COL23A1: variants seen among roughly 807,000 people sequenced by gnomAD.
COL23A1 encodes the protein collagen type XXIII alpha 1 chain.
A neutral mutation model predicts 99.3 loss-of-function variants in COL23A1; 97 were observed. That is an observed-to-expected ratio of 0.98 (90% CI 0.83 to 1.16). The LOEUF (loss-of-function observed/expected upper bound fraction) is 1.16. Among genes scored for constraint, COL23A1 ranks in the 50% most tolerant of loss-of-function variants. COL23A1 has a pLI of 0.00. For missense variants in COL23A1, 762 were observed against 757.4 expected, an observed-to-expected ratio of 1.01 and a Z score of -0.07; for synonymous variants, 320 against 308.2, an observed-to-expected ratio of 1.04 and a Z score of -0.40.
At chr5:178,314,071 G>A (rs1181561561) in intron 2 of COL23A1, among the ~76,000 whole-genome samples, 2 of 152,038 alleles carry the variant, frequency 1.3e-5, no homozygotes, top group African/African-American at 4.8e-5. Flanking sequence ...TCTAAGGTGG[G>A]CCTGGGGACC....
At chr5:178,483,540 A>G (rs577988911) in intron 2 of COL23A1, among the ~76,000 whole-genome samples, 2 of 152,346 alleles carry the variant, frequency 1.3e-5, no homozygotes, top group South Asian at 4.1e-4. Flanking sequence ...TGAAAAAATT[A>G]TGAGTTCCAG....
chr5:178,401,753 A>G (rs1484405682), intron 2 of COL23A1, among the ~76,000 whole-genome samples: 1 of 152,176 alleles, frequency 6.6e-6, no homozygotes, highest in African/African-American at 2.4e-5. Flanking sequence ...ACATCCCCCT[A>G]GCAGTATATG....
At chr5:178,250,161 AG>A in intron 17 of COL23A1, 56 bp from the exon 18 acceptor site, 2 of 1,605,882 alleles carry the variant, frequency 1.2e-6, no homozygotes, top group Non-Finnish European at 1.7e-6. Flanking sequence ...AAGAGGTGTC[AG>A]CAGCCAGAGG....
intron 2 of COL23A1, among the ~76,000 whole-genome samples, chr5:178,552,807 G>A (rs575454348): frequency 2.5e-4 from 38 of 151,012 alleles, no homozygotes; most frequent in African/African-American, 8.0e-4. Context: ...TCTACCTCCC[G>A]GGTTCAAGTG....
chr5:178,277,727 C>T lies in COL23A1; in HGVS notation c.442-7364G>A, dbSNP rs904922532. Among the ~76,000 whole-genome samples the T allele has an allele frequency of 2.6e-5, 4 of 152,274 alleles. No individual in the cohort carries two copies. The East Asian group carries it at 7.7e-4, about 29-fold the overall frequency. On this transcript the variant is annotated intron_variant, in intron 5 of 28. Coordinates refer to ENST00000390654, the MANE Select transcript of COL23A1 (RefSeq NM_173465.4). The stretch of plus-strand genomic sequence containing the variant: ...AGTAATTACATGTATGTCCATGTCA[C>T]ACATCATGGCTAGCAGAGGTGGTGT...
At chr5:178,274,336 T>G (rs888199160) in intron 5 of COL23A1, among the ~76,000 whole-genome samples, 4 of 152,126 alleles carry the variant, frequency 2.6e-5, no homozygotes, top group African/African-American at 9.7e-5. Flanking sequence ...TGGGTGCTCT[T>G]GAGAGGAGGA....
intron 2 of COL23A1, among the ~76,000 whole-genome samples, chr5:178,524,653 G>A (rs140297073): frequency 7.3e-4 from 111 of 152,354 alleles, no homozygotes; most frequent in African/African-American, 2.5e-3. Flanking sequence ...CCATTCTCCT[G>A]CAGACCTGGC....
chr5:178,489,016 AG>A (rs1227372408), intron 2 of COL23A1, among the ~76,000 whole-genome samples: 12 of 151,052 alleles, frequency 7.9e-5, no homozygotes, highest in Non-Finnish European at 1.8e-4. Context: ...TCTGCCCCTC[AG>A]GATCTGCCCC....
At chr5:178,558,350 T>C (rs1762389310) in intron 2 of COL23A1, among the ~76,000 whole-genome samples, 1 of 152,128 alleles carries the variant, frequency 6.6e-6, no homozygotes, top group South Asian at 2.1e-4. Flanking sequence ...ACCCAAGATG[T>C]GGCTCCAGTT....
At chr5:178,533,623 G>A (rs564314315) in intron 2 of COL23A1, among the ~76,000 whole-genome samples, 36 of 152,058 alleles carry the variant, frequency 2.4e-4, no homozygotes, top group Admixed American at 5.9e-4. Context: ...TCAACCTCCC[G>A]AGTAGCTGGG....
At chr5:178,583,299 T>C in intron 1 of COL23A1, among the ~76,000 whole-genome samples, 1 of 152,210 alleles carries the variant, frequency 6.6e-6, no homozygotes, top group East Asian at 1.9e-4. Context: ...TGAGGTGGAA[T>C]TTCTCTAGAA....
At chr5:178,584,974 T>G (rs1248441915) in intron 1 of COL23A1, among the ~76,000 whole-genome samples, 1 of 152,090 alleles carries the variant, frequency 6.6e-6, no homozygotes, top group Non-Finnish European at 1.5e-5. Flanking sequence ...GTCACTCACT[T>G]CGGGGGCAGA....
chr5:178,494,153 C>CCACAGTGTCT (rs1758075385), intron 2 of COL23A1, among the ~76,000 whole-genome samples: 1 of 152,098 alleles, frequency 6.6e-6, no homozygotes, highest in Admixed American at 6.5e-5. Context: ...TTGCAATACC[C>CCACAGTGTCT]CACAGTGTCT....
intron 1 of COL23A1, among the ~76,000 whole-genome samples, chr5:178,573,522 C>T (rs1220678299): frequency 6.6e-6 from 1 of 152,184 alleles, no homozygotes; most frequent in Non-Finnish European, 1.5e-5. Context: ...CTCAAGGGTC[C>T]CTGATAGGTC....
chr5:178,382,657 C>T (rs67669290), intron 2 of COL23A1, among the ~76,000 whole-genome samples: 27,917 of 152,036 alleles, frequency 0.18, 2,994 homozygotes, highest in East Asian at 0.3. Context: ...TTCTTAAGCC[C>T]CTCCAGTCCC....
chr5:178,569,602 TCA>T (rs1762990263), intron 1 of COL23A1, among the ~76,000 whole-genome samples: 1 of 152,232 alleles, frequency 6.6e-6, no homozygotes, highest in Non-Finnish European at 1.5e-5. Flanking sequence ...ACTGACTATA[TCA>T]CAGTTTGTGT....
chr5:178,396,989 C>T (rs1259281472), intron 2 of COL23A1, among the ~76,000 whole-genome samples: 1 of 152,214 alleles, frequency 6.6e-6, no homozygotes, highest in Non-Finnish European at 1.5e-5. Context: ...CCACCTGTCC[C>T]CATGTGTAGC....
intron 2 of COL23A1, among the ~76,000 whole-genome samples, chr5:178,483,539 T>A (rs917923199): frequency 1.3e-5 from 2 of 152,182 alleles, no homozygotes; most frequent in African/African-American, 4.8e-5. Flanking sequence ...GTGAAAAAAT[T>A]ATGAGTTCCA....
At chr5:178,554,530 C>T (rs930536408) in intron 2 of COL23A1, among the ~76,000 whole-genome samples, 2 of 152,212 alleles carry the variant, frequency 1.3e-5, no homozygotes, top group African/African-American at 2.4e-5. Context: ...CTTTGCAAAC[C>T]ACCTGGCGGT....
Sources: allele counts gnomAD v4.1 joint callset (sites outside exome capture counted in the v4.1 genomes callset), GRCh38; gene constraint gnomAD v4.1.1; transcripts MANE v1.5; gene names NCBI Gene and HGNC (gene_info 2026-07-23, HGNC 2026-07-21).